TANC2: variants seen among roughly 807,000 people sequenced by gnomAD.
The protein encoded by TANC2 is tetratricopeptide repeat, ankyrin repeat and coiled-coil containing 2.
In TANC2, 26 loss-of-function variants were observed where a neutral mutation model predicts 210.5. The ratio of observed to expected loss-of-function variants is 0.12; its 90% CI spans 0.09 to 0.17. The LOEUF is 0.17. Ranked by LOEUF, TANC2 falls within the 10% of genes least tolerant of loss-of-function variation. TANC2 has a pLI of 1.00. For synonymous variants in TANC2, 931 were observed against 967.1 expected, an observed-to-expected ratio of 0.96 and a Z score of 0.69; for missense variants, 2,129 against 2,608.9, an observed-to-expected ratio of 0.82 and a Z score of 4.01.
intron 5 of TANC2, among the ~76,000 whole-genome samples, chr17:63,161,188 C>T (rs1367937722): frequency 2.6e-5 from 4 of 152,042 alleles, no homozygotes; most frequent in Admixed American, 1.3e-4. Context: ...TGGCAAAACC[C>T]CATTTCTACT....
At chr17:63,236,187 G>A (rs1810168162) in intron 7 of TANC2, among the ~76,000 whole-genome samples, 1 of 152,042 alleles carries the variant, frequency 6.6e-6, no homozygotes. Flanking sequence ...AGGGACCGCT[G>A]AGGCTCTCCA....
exon 28 of TANC2, chr17:63,425,956 C>G (rs2049133109): frequency 6.6e-6 from 1 of 152,184 alleles, no homozygotes; most frequent in Non-Finnish European, 1.5e-5. Context: ...AGTTATTTTT[C>G]TACTGCAGAA....
At chr17:63,422,067 G>A in exon 28 of TANC2, 4 of 1,363,082 alleles carry the variant, frequency 2.9e-6, no homozygotes, top group Non-Finnish European at 3.9e-6. Context: ...TCTGTGTGGT[G>A]TTCAGAGGTG....
intron 2 of TANC2, among the ~76,000 whole-genome samples, chr17:63,026,710 C>G (rs1483605068): frequency 1.3e-5 from 2 of 152,042 alleles, no homozygotes; most frequent in Non-Finnish European, 2.9e-5. Context: ...CTAAATTTTG[C>G]TTTCAAATGT....
At chr17:63,219,431 T>G (rs1481068920) in intron 7 of TANC2, among the ~76,000 whole-genome samples, 1 of 152,092 alleles carries the variant, frequency 6.6e-6, no homozygotes, top group Non-Finnish European at 1.5e-5. Flanking sequence ...ACTATATAGC[T>G]CCCTAAGAAA....
At chr17:63,149,273 T>G (rs1349546749) in intron 4 of TANC2, 1 of 152,114 alleles carries the variant, frequency 6.6e-6, no homozygotes, top group African/African-American at 2.4e-5. Context: ...CTTCACAGTC[T>G]TCAGCTATTT....
chr17:63,114,270 C>T (rs2038166495), intron 4 of TANC2, among the ~76,000 whole-genome samples: 2 of 152,042 alleles, frequency 1.3e-5, no homozygotes. Context: ...AGAAAATTAT[C>T]CTCAGAAATC....
At chr17:63,406,589 C>A (rs2048515405) in intron 21 of TANC2, among the ~76,000 whole-genome samples, 2 of 152,128 alleles carry the variant, frequency 1.3e-5, no homozygotes, top group African/African-American at 2.4e-5. Context: ...GGATTGTGTT[C>A]TGACTTTATC....
chr17:63,093,243 T>C (rs952672698), intron 3 of TANC2, among the ~76,000 whole-genome samples: 3 of 139,298 alleles, frequency 2.2e-5, no homozygotes, highest in African/African-American at 5.3e-5. Context: ...AGTTTTATAG[T>C]TTTTTTTTTT....
intron 2 of TANC2, among the ~76,000 whole-genome samples, chr17:63,015,334 ATTC>A (rs894089214): frequency 6.6e-6 from 1 of 151,634 alleles, no homozygotes; most frequent in Non-Finnish European, 1.5e-5. Context: ...TTTATTTTTT[ATTC>A]TTTAAGTTCT....
At chr17:62,977,469 TA>T (rs2032071458) in intron 1 of TANC2, among the ~76,000 whole-genome samples, 2 of 152,206 alleles carry the variant, frequency 1.3e-5, no homozygotes, top group Non-Finnish European at 2.9e-5. Flanking sequence ...TTTTGAATTT[TA>T]AAATAACTTC....
At chr17:63,034,613 T>C (rs2034900524) in intron 2 of TANC2, among the ~76,000 whole-genome samples, 1 of 152,160 alleles carries the variant, frequency 6.6e-6, no homozygotes, top group South Asian at 2.1e-4. Flanking sequence ...CCATTCTAGA[T>C]GCCATTAAGA....
intron 1 of TANC2, among the ~76,000 whole-genome samples, chr17:62,983,280 TGTTTGAATTC>T (rs1232505427): frequency 2.0e-5 from 3 of 152,132 alleles, no homozygotes; most frequent in East Asian, 1.9e-4. Context: ...TACTGATATT[TGTTTGAATTC>T]GTTTGAATTC....
intron 4 of TANC2, chr17:63,149,848 A>T (rs1173259680): frequency 1.3e-5 from 2 of 152,274 alleles, no homozygotes; most frequent in East Asian, 3.9e-4. Flanking sequence ...TGCTTTTGAC[A>T]GAACCATACT....
intron 4 of TANC2, among the ~76,000 whole-genome samples, chr17:63,129,036 G>A (rs1228863208): frequency 6.6e-6 from 1 of 151,900 alleles, no homozygotes. Context: ...TTGTTTTTTT[G>A]AGCCAGGGTC....
At chr17:63,361,254 G>C (rs2046949396) in intron 14 of TANC2, among the ~76,000 whole-genome samples, 1 of 152,158 alleles carries the variant, frequency 6.6e-6, no homozygotes. Flanking sequence ...AGAGCCTTCT[G>C]CCTGAGTATT....
At chr17:63,220,785 TGTATATATGTATATATAC>T (rs1400354910) in intron 7 of TANC2, among the ~76,000 whole-genome samples, 20 of 147,844 alleles carry the variant, frequency 1.4e-4, no homozygotes, top group Non-Finnish European at 2.4e-4. Flanking sequence ...TACATGTATG[TGTATATATGTATATATAC>T]GTGTATATGT....
intron 9 of TANC2, 145 bp downstream of exon 9, chr17:63,268,018 T>C: frequency 1.2e-6 from 1 of 859,982 alleles, no homozygotes; most frequent in African/African-American, 1.7e-5. Context: ...GACCAGTTCA[T>C]TTCTGCTGAG....
At chr17:63,048,765 A>G (rs1199905588) in intron 2 of TANC2, among the ~76,000 whole-genome samples, 4 of 152,082 alleles carry the variant, frequency 2.6e-5, no homozygotes, top group Non-Finnish European at 4.4e-5. Flanking sequence ...GGAGACAAAG[A>G]GGGGAACAAC....
Sources: gnomAD v4.1 joint callset for allele counts (sites outside exome capture counted in the v4.1 genomes callset) on GRCh38, gnomAD v4.1.1 for gene constraint, MANE v1.5 for transcripts, NCBI Gene and HGNC (gene_info 2026-07-23, HGNC 2026-07-21) for gene names.